ARHGAP42: variants seen among roughly 807,000 people sequenced by gnomAD.
ARHGAP42 encodes Rho GTPase activating protein 42, also known as rho GTPase-activating protein 42.
ARHGAP42 carries 63 observed loss-of-function variants against 125.0 expected under a neutral mutation model. The ratio of observed to expected loss-of-function variants is 0.50; its 90% confidence interval spans 0.41 to 0.62. The LOEUF is 0.62. Among genes scored for constraint, ARHGAP42 ranks in the 20% least tolerant of loss-of-function variants. The pLI, the probability that ARHGAP42 is intolerant of heterozygous loss-of-function variation, is 0.00. For synonymous variants in ARHGAP42, 339 were observed against 351.0 expected (o/e 0.97, Z 0.38); for missense variants, 766 against 1,024.2 (o/e 0.75, Z 3.44).
intron 4 of ARHGAP42, among the ~76,000 whole-genome samples, chr11:100,887,162 G>A (rs985271938): frequency 6.6e-6 from 1 of 152,168 alleles, no homozygotes; most frequent in Admixed American, 6.5e-5. Context: ...TATGTTCAAT[G>A]CATTTCCAGT....
chr11:100,966,807 G>A (rs1443741203), intron 17 of ARHGAP42, among the ~76,000 whole-genome samples: 1 of 152,096 alleles, frequency 6.6e-6, no homozygotes, highest in African/African-American at 2.4e-5. Context: ...GTTTGCTATG[G>A]TGCTGGAAAC....
chr11:100,690,216 C>G (rs914373681), intron 1 of ARHGAP42, among the ~76,000 whole-genome samples: 1 of 152,186 alleles, frequency 6.6e-6, no homozygotes. Context: ...TAGACTATTT[C>G]AATAGATGTA....
At chr11:100,813,936 T>C (rs1019626099) in intron 3 of ARHGAP42, among the ~76,000 whole-genome samples, 7 of 152,168 alleles carry the variant, frequency 4.6e-5, no homozygotes, top group Non-Finnish European at 1.0e-4. Flanking sequence ...GGCTAACACC[T>C]GTAATCCCAG....
intron 16 of ARHGAP42, among the ~76,000 whole-genome samples, chr11:100,963,108 G>A (rs190290557): frequency 6.6e-5 from 10 of 152,230 alleles, no homozygotes; most frequent in East Asian, 3.9e-4. Flanking sequence ...CTCTAAATAC[G>A]TACAGACGAT....
rs1861118662 is a variant in ARHGAP42 at position 100,688,043 on chromosome 11, C to G, written c.154+211C>G. 1.2e-5 allele frequency: 5 copies of G among 430,998 alleles called. No homozygotes were observed. The East Asian group carries it at 1.9e-4, about 16-fold the overall frequency. 26.7% of individuals were successfully genotyped at this position (430,998 alleles called of 1,614,324 possible). A position where few individuals can be genotyped will look rare whatever the true frequency, so the allele number is the denominator to read the frequency against. On this transcript the variant is annotated intron_variant, in intron 1 of 23. Coordinates refer to ENST00000298815, the MANE Select transcript of ARHGAP42 (RefSeq NM_152432.4). The stretch of plus-strand genomic sequence containing the variant: ...TGTCTACAGGGATGGGGAAAGTTCT[C>G]TACAGGGCACTGGAATATATCCTGA...
At chr11:100,725,065 G>A (rs1286422405) in intron 1 of ARHGAP42, among the ~76,000 whole-genome samples, 2 of 151,708 alleles carry the variant, frequency 1.3e-5, no homozygotes, top group South Asian at 2.1e-4. Flanking sequence ...AGATTTCTAC[G>A]ACCTGTATGT....
chr11:100,766,555 A>G (rs1178060459), intron 1 of ARHGAP42, among the ~76,000 whole-genome samples: 3 of 152,204 alleles, frequency 2.0e-5, no homozygotes, highest in East Asian at 1.9e-4. Context: ...CTTTAGTTAG[A>G]CAATTAGAAA....
At chr11:100,789,038 G>A (rs607890) in intron 2 of ARHGAP42, among the ~76,000 whole-genome samples, 78,740 of 151,756 alleles carry the variant, frequency 0.52, 20,925 homozygotes, top group South Asian at 0.63. Context: ...GTGTGGCCAG[G>A]TCTAGAAGCA....
intron 2 of ARHGAP42, among the ~76,000 whole-genome samples, chr11:100,783,981 A>G (rs552706484): frequency 6.6e-6 from 1 of 152,254 alleles, no homozygotes; most frequent in South Asian, 2.1e-4. Flanking sequence ...TGCTAAGGAG[A>G]ATGTGCCCAG....
intron 1 of ARHGAP42, among the ~76,000 whole-genome samples, chr11:100,739,757 A>G (rs1862143175): frequency 6.6e-6 from 1 of 152,142 alleles, no homozygotes. Context: ...GCCAGGAAGT[A>G]GGGTGAGCAT....
chr11:100,705,059 A>G (rs967313896), intron 1 of ARHGAP42, among the ~76,000 whole-genome samples: 9 of 151,414 alleles, frequency 5.9e-5, no homozygotes, highest in African/African-American at 2.2e-4. Flanking sequence ...AAAGAAAGAC[A>G]CTGTTCCTAC....
At chr11:100,820,728 A>G (rs1449757149) in intron 3 of ARHGAP42, among the ~76,000 whole-genome samples, 5 of 152,138 alleles carry the variant, frequency 3.3e-5, no homozygotes, top group Non-Finnish European at 5.9e-5. Context: ...GATTTGGACC[A>G]CAGTTTGACT....
rs1012498540 is a variant in ARHGAP42 at position 100,687,818 on chromosome 11, T to C, written c.140T>C (p.Ile47Thr). The C allele has an allele frequency of 1.7e-5, 26 of 1,548,446 alleles. No individual in the cohort carries two copies. Among genetic ancestry groups the C allele is most frequent in the African/African-American group, 2.7e-5 (2 of 72,956 alleles). ...CTCATTAAGGACGGCTCTCTGCTCA[T>C]TGGGGCGTTGAGGAGTAAGTAGGGC... ...KELIKDGSLL[I>T]GALRNLSMAV... Residue 47 changes from isoleucine to threonine, a missense_variant, in exon 1 of 24, where the codon ATT becomes ACT. Ile to Thr is a moderately conservative substitution (Grantham distance 89). Coordinates refer to ENST00000298815, the MANE Select transcript of ARHGAP42 (RefSeq NM_152432.4).
At chr11:100,856,625 T>G (rs775732614) in intron 3 of ARHGAP42, among the ~76,000 whole-genome samples, 27 of 152,064 alleles carry the variant, frequency 1.8e-4, no homozygotes, top group Middle Eastern at 3.2e-3. Context: ...TTATAATGGT[T>G]TATGGAAAAA....
intron 4 of ARHGAP42, among the ~76,000 whole-genome samples, chr11:100,865,243 GT>G (rs1865541492): frequency 6.6e-6 from 1 of 152,078 alleles, no homozygotes; most frequent in Non-Finnish European, 1.5e-5. Context: ...TATACATGCA[GT>G]TAATTAAGCA....
chr11:100,787,803 G>C (rs1863471283), intron 2 of ARHGAP42, among the ~76,000 whole-genome samples: 1 of 152,158 alleles, frequency 6.6e-6, no homozygotes, highest in Non-Finnish European at 1.5e-5. Flanking sequence ...GGATAAACAG[G>C]AACAAGGGAA....
chr11:100,772,685 A>G (rs1004884392), intron 2 of ARHGAP42, among the ~76,000 whole-genome samples: 10 of 152,214 alleles, frequency 6.6e-5, no homozygotes, highest in Non-Finnish European at 1.5e-4. Context: ...ATTTCTTGAC[A>G]TTGGTGATAT....
intron 4 of ARHGAP42, among the ~76,000 whole-genome samples, chr11:100,884,073 C>G (rs970574691): frequency 6.6e-6 from 1 of 152,108 alleles, no homozygotes; most frequent in Non-Finnish European, 1.5e-5. Flanking sequence ...TGGATTTTCC[C>G]CCACTCATTC....
intron 1 of ARHGAP42, among the ~76,000 whole-genome samples, chr11:100,738,837 C>G (rs1335058872): frequency 6.6e-6 from 1 of 152,198 alleles, no homozygotes; most frequent in Non-Finnish European, 1.5e-5. Flanking sequence ...CAGGGCAAAA[C>G]AAACTGTGCC....
Sources: gnomAD v4.1 joint callset for allele counts (sites outside exome capture counted in the v4.1 genomes callset) on GRCh38, gnomAD v4.1.1 for gene constraint, MANE v1.5 for transcripts, NCBI Gene and HGNC (gene_info 2026-07-23, HGNC 2026-07-21) for gene names.